RAPGEF4: variants seen among roughly 807,000 people sequenced by gnomAD.
The protein encoded by RAPGEF4 is RAP guanine-nucleotide-exchange factor (GEF) 4.
A neutral mutation model predicts 147.9 loss-of-function variants in RAPGEF4; 66 were observed. The observed-to-expected ratio is 0.45, with a 90% CI of 0.37 to 0.55. RAPGEF4 has a LOEUF of 0.55. Ranked by LOEUF, RAPGEF4 falls within the 20% of genes least tolerant of loss-of-function variation. The probability of loss-of-function intolerance (pLI) is 0.00; values close to 1 mark genes in which losing one functional copy is unlikely to be tolerated. For missense variants in RAPGEF4, 1,071 were observed against 1,257.3 expected, an observed-to-expected ratio of 0.85 and a Z score of 2.24; for synonymous variants, 419 against 442.7, an observed-to-expected ratio of 0.95 and a Z score of 0.67.
intron 1 of RAPGEF4, among the ~76,000 whole-genome samples, chr2:172,783,257 T>C (rs1286395664): frequency 6.6e-6 from 1 of 152,170 alleles, no homozygotes; most frequent in Non-Finnish European, 1.5e-5. Context: ...GAGGTGGAAG[T>C]ATTTGGACCT....
chr2:172,960,366 A>G (rs1271084657), intron 6 of RAPGEF4, among the ~76,000 whole-genome samples: 1 of 152,182 alleles, frequency 6.6e-6, no homozygotes, highest in South Asian at 2.1e-4. Flanking sequence ...TCCATCCCAT[A>G]TCAATACTTT....
intron 6 of RAPGEF4, among the ~76,000 whole-genome samples, chr2:172,948,620 G>A (rs1195863341): frequency 6.6e-6 from 1 of 152,164 alleles, no homozygotes; most frequent in East Asian, 1.9e-4. Context: ...ATACTATGCA[G>A]CCATAAAAAA....
At chr2:172,956,944 AAC>A (rs1019243887) in intron 6 of RAPGEF4, among the ~76,000 whole-genome samples, 1 of 152,206 alleles carries the variant, frequency 6.6e-6, no homozygotes, top group African/African-American at 2.4e-5. Flanking sequence ...AATCAAACAG[AAC>A]ACAGACTCTT....
At chr2:173,026,950 C>T in intron 24 of RAPGEF4, 131 bp from the exon 25 acceptor site, 1 of 885,842 alleles carries the variant, frequency 1.1e-6, no homozygotes, top group Non-Finnish European at 1.6e-6. Flanking sequence ...TAACAAACCT[C>T]ATGGAAGCCC....
chr2:172,984,430 C>T (rs1022612333), intron 11 of RAPGEF4, among the ~76,000 whole-genome samples: 15 of 152,134 alleles, frequency 9.9e-5, no homozygotes, highest in South Asian at 4.1e-4. Flanking sequence ...AGGCATTTGC[C>T]ATAGCTCCAA....
intron 10 of RAPGEF4, among the ~76,000 whole-genome samples, chr2:172,970,248 C>T (rs1356842911): frequency 7.0e-6 from 1 of 142,004 alleles, no homozygotes; most frequent in Non-Finnish European, 1.5e-5. Context: ...GGAAAGAAAA[C>T]AAGCTTAGTT....
intron 30 of RAPGEF4, among the ~76,000 whole-genome samples, chr2:173,051,139 C>T (rs1032759959): frequency 2.4e-4 from 37 of 152,164 alleles, no homozygotes; most frequent in African/African-American, 8.9e-4. Flanking sequence ...TATAGTAATG[C>T]TGTATACTGT....
At position 172,736,067 on chromosome 2, in the gene RAPGEF4, C is replaced by T. The variant is rs1427039924; in HGVS notation, c.65+19C>T. ...ATAAAAGGTAGCTCGCCGGGGGCCG[C>T]AGCCGGGGGCCGAGCTCTGCGGTGC... On this transcript the variant is annotated intron_variant, in intron 1 of 30. Transcript: ENST00000397081. The T allele has an allele frequency of 6.9e-7, 1 of 1,456,136 alleles. No individual in the cohort carries two copies. The highest frequency in any genetic ancestry group is 3.2e-5 in the East Asian group (1 of 31,422). The allele number at this position is 1,456,136 out of a possible 1,614,324, so 90.2% of individuals were successfully genotyped here.
rs147698401 is a variant in RAPGEF4, at chr2:172,745,565, A to AT, written c.65+9526dup. ...TTGAGAAATTTATTGATTTTTGCTC[A>AT]TTTTTTTTTCCTTTTTTCTCCTTAC... On this transcript the variant is annotated intron_variant, in intron 1 of 30. Coordinates refer to ENST00000397081, the MANE Select transcript of RAPGEF4 (RefSeq NM_007023.4). Among the ~76,000 whole-genome samples, 1,080 of 148,106 alleles carry AT rather than the reference A, an allele frequency of 7.3e-3. 12 individuals carry two copies. Among genetic ancestry groups the AT allele is most frequent in the African/African-American group, 0.019 (769 of 40,302 alleles).
At chr2:172,912,907 T>C (rs1683600704) in intron 4 of RAPGEF4, among the ~76,000 whole-genome samples, 1 of 150,560 alleles carries the variant, frequency 6.6e-6, no homozygotes, top group African/African-American at 2.4e-5. Context: ...TTTTTTTTTT[T>C]TTTTTTGAGA....
At chr2:172,962,020 A>G (rs996693388) in intron 8 of RAPGEF4, among the ~76,000 whole-genome samples, 8 of 152,220 alleles carry the variant, frequency 5.3e-5, no homozygotes, top group Non-Finnish European at 7.3e-5. Flanking sequence ...AGATAAAGGC[A>G]GAGATTTCAT....
In RAPGEF4 at chr2:172,881,839, TTAAATGACTC is replaced by T. The variant is rs1186853500; in HGVS notation, c.445-35961_445-35952del. 2.6e-5 allele frequency among the ~76,000 whole-genome samples: 4 copies of T among 152,220 alleles called. No homozygotes were observed. In the South Asian group the frequency reaches 8.3e-4, roughly 32 times the overall value. ...TTATCAGAGAATTCATCAGTGGCCT[TTAAATGACTC>T]TTTTCATTTTAAACATTTTCTAAAA... On this transcript the variant is annotated intron_variant, in intron 4 of 30. Coordinates refer to ENST00000397081, the MANE Select transcript of RAPGEF4 (RefSeq NM_007023.4).
At chr2:172,886,868 GT>G (rs1697284283) in intron 4 of RAPGEF4, among the ~76,000 whole-genome samples, 1 of 152,062 alleles carries the variant, frequency 6.6e-6, no homozygotes, top group South Asian at 2.1e-4. Flanking sequence ...CCACTTTTAC[GT>G]GGGAAAGCAT....
Position 172,814,314 on chromosome 2 carries a change from G to C in RAPGEF4, c.333G>C (p.Thr111=). ...CCATCTGTACCCTGGGAATTGGGAC[G>C]GCCTTTGGAGAGTCCATTCTGGACA... ...AVTICTLGIG[T]AFGESILDNT... is the part of the protein sequence containing the mutation. Residue 111 remains threonine, a synonymous_variant, in exon 4 of 31, where the codon ACG becomes ACC. Transcript: ENST00000397081. 6.2e-7 allele frequency: 1 copy of C among 1,614,154 alleles called. No individual in the cohort carries two copies. Among genetic ancestry groups the C allele is most frequent in the Non-Finnish European group, 8.5e-7 (1 of 1,180,020 alleles).
intron 4 of RAPGEF4, among the ~76,000 whole-genome samples, chr2:172,830,495 T>G (rs550111575): frequency 6.6e-6 from 1 of 152,340 alleles, no homozygotes; most frequent in African/African-American, 2.4e-5. Flanking sequence ...TCCCCAAAAC[T>G]GTCCACATTT....
intron 4 of RAPGEF4, among the ~76,000 whole-genome samples, chr2:172,841,000 C>T (rs1691524458): frequency 6.6e-6 from 1 of 152,218 alleles, no homozygotes; most frequent in African/African-American, 2.4e-5. Flanking sequence ...AAGGGAAAGC[C>T]TTGAATTAAC....
intron 17 of RAPGEF4, among the ~76,000 whole-genome samples, chr2:173,003,188 T>A (rs569763154): frequency 6.6e-6 from 1 of 151,830 alleles, no homozygotes. Flanking sequence ...CCTTCAAGGG[T>A]TGACTGAGAA....
At chr2:172,880,849 G>C (rs1167162280) in intron 4 of RAPGEF4, among the ~76,000 whole-genome samples, 1 of 152,172 alleles carries the variant, frequency 6.6e-6, no homozygotes, top group Non-Finnish European at 1.5e-5. Context: ...TTTAACAGTG[G>C]GAATGGCACA....
chr2:172,967,226 G>T, intron 9 of RAPGEF4, 35 bp from the exon 10 acceptor site: 3 of 1,590,442 alleles, frequency 1.9e-6, no homozygotes, highest in East Asian at 4.5e-5. Flanking sequence ...AGGCCGAGGT[G>T]CTGCAGCTGA....
Sources: gnomAD v4.1 joint callset for allele counts (sites outside exome capture counted in the v4.1 genomes callset) on GRCh38, gnomAD v4.1.1 for gene constraint, MANE v1.5 for transcripts, NCBI Gene and HGNC (gene_info 2026-07-23, HGNC 2026-07-21) for gene names.